LCOR: variants seen among roughly 807,000 people sequenced by gnomAD.
LCOR encodes the protein ligand dependent nuclear receptor corepressor.
LCOR carries 14 observed loss-of-function variants against 64.4 expected under a neutral mutation model. The observed-to-expected ratio is 0.22, with a 90% confidence interval of 0.14 to 0.34. The LOEUF (loss-of-function observed/expected upper bound fraction) is 0.34. Ranked by LOEUF, LCOR falls within the 10% of genes least tolerant of loss-of-function variation. The pLI is 1.00. For missense variants in LCOR, 1,686 were observed against 1,765.3 expected, an observed-to-expected ratio of 0.96 and a Z score of 0.80; for synonymous variants, 643 against 642.5, an observed-to-expected ratio of 1.00 and a Z score of -0.01.
intron 4 of LCOR, among the ~76,000 whole-genome samples, chr10:96,911,141 A>G (rs1020165030): frequency 1.6e-5 from 2 of 125,700 alleles, no homozygotes; most frequent in Non-Finnish European, 3.1e-5. Flanking sequence ...TCTGTTGCCC[A>G]GGCTGGGGTG....
chr10:96,848,765 A>T (rs545505639), intron 2 of LCOR, among the ~76,000 whole-genome samples: 1 of 152,316 alleles, frequency 6.6e-6, no homozygotes, highest in South Asian at 2.1e-4. Context: ...ATTATTATAC[A>T]GGATGTTCAG....
chr10:96,851,042 G>C (rs1357167477), intron 2 of LCOR, among the ~76,000 whole-genome samples: 1 of 152,212 alleles, frequency 6.6e-6, no homozygotes, highest in Non-Finnish European at 1.5e-5. Flanking sequence ...GCAAAAGCTT[G>C]TATCTTTGCT....
At chr10:96,957,767 C>T (rs1589682923) in intron 7 of LCOR, 1 of 985,432 alleles carries the variant, frequency 1.0e-6, no homozygotes, top group Non-Finnish European at 1.2e-6. Flanking sequence ...ATTGCTGTTA[C>T]TAAAATACAT....
chr10:96,907,729 G>T lies in LCOR; in HGVS notation c.-202G>T, dbSNP rs1366703530. 1.0e-6 allele frequency: 1 copy of T among 982,120 alleles called. No individual in the cohort carries two copies. Among genetic ancestry groups the T allele is most frequent in the East Asian group, 1.1e-4 (1 of 8,802 alleles). The allele number at this position is 982,120 out of a possible 1,614,324, so 60.8% of individuals were successfully genotyped here. On this transcript the variant is annotated 5_prime_UTR_variant, in exon 4 of 8. It removes the in-frame stop codon of an upstream open reading frame in the 5' UTR. Coordinates refer to ENST00000421806, the MANE Select transcript of LCOR (RefSeq NM_001346516.2). ...ATGAAAACTGTTTATTCTGTTGCTT[G>T]AGAAGAGATAAAGTAAAGGTAACTA...
chr10:96,973,292 A>G (rs1485302404), intron 7 of LCOR, among the ~76,000 whole-genome samples: 1 of 152,216 alleles, frequency 6.6e-6, no homozygotes, highest in Admixed American at 6.5e-5. Flanking sequence ...GTTTTAAAGT[A>G]CACCTATGGC....
At chr10:96,926,811 T>G (rs1253975477) in intron 4 of LCOR, among the ~76,000 whole-genome samples, 1 of 152,192 alleles carries the variant, frequency 6.6e-6, no homozygotes. Flanking sequence ...TATGTTTGAC[T>G]TCTTTTTGTT....
At chr10:96,850,698 C>A (rs1281625877) in intron 2 of LCOR, among the ~76,000 whole-genome samples, 1 of 152,106 alleles carries the variant, frequency 6.6e-6, no homozygotes, top group Non-Finnish European at 1.5e-5. Flanking sequence ...AGTCCTCTCA[C>A]CTGTCTCCCA....
chr10:96,838,616 A>G (rs983129369), intron 2 of LCOR, among the ~76,000 whole-genome samples: 6 of 152,200 alleles, frequency 3.9e-5, no homozygotes, highest in African/African-American at 1.4e-4. Flanking sequence ...TTCACTTAGC[A>G]TAATGTTTTT....
intron 7 of LCOR, chr10:96,957,473 C>A (rs917995730): frequency 7.0e-5 from 69 of 985,074 alleles, no homozygotes; most frequent in Non-Finnish European, 8.0e-5. Context: ...ACTATTTGTG[C>A]AAAACAAATT....
At chr10:96,850,392 A>G (rs1845704750) in intron 2 of LCOR, among the ~76,000 whole-genome samples, 1 of 152,242 alleles carries the variant, frequency 6.6e-6, no homozygotes, top group African/African-American at 2.4e-5. Flanking sequence ...TTTAAAAAGA[A>G]AGATCAAGCA....
chr10:96,854,897 G>GA (rs1253261661), intron 2 of LCOR, among the ~76,000 whole-genome samples: 1 of 152,130 alleles, frequency 6.6e-6, no homozygotes, highest in Non-Finnish European at 1.5e-5. Flanking sequence ...TTATTTTGGG[G>GA]AAAAATTATA....
intron 2 of LCOR, among the ~76,000 whole-genome samples, chr10:96,861,862 A>C (rs369759186): frequency 3.9e-5 from 6 of 152,252 alleles, no homozygotes; most frequent in African/African-American, 1.4e-4. Flanking sequence ...CAATTCCAAC[A>C]CTATCTACCT....
chr10:96,960,887 G>T (rs767781222), intron 7 of LCOR: 1 of 152,092 alleles, frequency 6.6e-6, no homozygotes, highest in South Asian at 2.1e-4. Flanking sequence ...ACTTGAATAG[G>T]ATTTGTGAAC....
chr10:96,934,861 A>G (rs886938577), intron 4 of LCOR, among the ~76,000 whole-genome samples: 2 of 152,162 alleles, frequency 1.3e-5, no homozygotes, highest in African/African-American at 4.8e-5. Context: ...CTCGGCCTCC[A>G]AAAGGGCTGG....
In LCOR at chr10:96,988,533, A is replaced by G. The variant is rs1183677150; in HGVS notation, c.*3399A>G. 6.6e-6 allele frequency: 1 copy of G among 152,152 alleles called. No individual in the cohort carries two copies. Among genetic ancestry groups the G allele is most frequent in the African/African-American group, 2.4e-5 (1 of 41,422 alleles). The allele number at this position is 152,152 out of a possible 1,614,324, so 9.4% of individuals were successfully genotyped here. On this transcript the variant is annotated 3_prime_UTR_variant, in exon 8 of 8. Transcript: ENST00000421806. ...TGCAGGTGAATTTCTCACTGTTCAG[A>G]TAGGTCATCAGTAAAAGGCATCACT... is the stretch of plus-strand genomic sequence containing the variant.
intron 2 of LCOR, among the ~76,000 whole-genome samples, chr10:96,880,983 T>A (rs1380913633): frequency 6.6e-6 from 1 of 152,242 alleles, no homozygotes; most frequent in Non-Finnish European, 1.5e-5. Flanking sequence ...ACAATGGATG[T>A]CTTAGTGCAT....
At position 96,991,617 on chromosome 10, in the gene LCOR, T is replaced by C. The variant is rs1168118250; in HGVS notation, c.*6483T>C. On this transcript the variant is annotated 3_prime_UTR_variant, in exon 8 of 8. Coordinates refer to ENST00000421806, the MANE Select transcript of LCOR (RefSeq NM_001346516.2). ...CACTCTTCAAGCTCTGGTCGTGATATGAGAACATAGATGCCTGGTGTTTGC... is the reference window on the plus strand; with the variant it reads ...CACTCTTCAAGCTCTGGTCGTGATACGAGAACATAGATGCCTGGTGTTTGC... The C allele has an allele frequency of 2.0e-5, 3 of 152,238 alleles. No homozygotes were observed. Among genetic ancestry groups the C allele is most frequent in the Admixed American group, 6.5e-5 (1 of 15,290 alleles). The allele number at this position is 152,238 out of a possible 1,614,324, so 9.4% of individuals were successfully genotyped here.
At chr10:96,863,878 AT>A (rs1845929360) in intron 2 of LCOR, among the ~76,000 whole-genome samples, 1 of 151,854 alleles carries the variant, frequency 6.6e-6, no homozygotes, top group African/African-American at 2.4e-5. Context: ...TAACCTGCCT[AT>A]TTTGTCTTTT....
In LCOR at chr10:96,983,606, T is replaced by C. The variant is rs745973348; in HGVS notation, c.3146T>C (p.Leu1049Pro). The part of the protein sequence containing the change: ...STYNLRHAHS[L>P]GSLDASKVTS... ...TACAACCTAAGACACGCTCATTCTC[T>C]GGGCTCCTTGGATGCTTCAAAAGTG... Residue 1049 changes from leucine to proline, a missense_variant, in exon 8 of 8, where the codon CTG (leucine) becomes CCG (proline). Physicochemically the swap from Leu to Pro is moderately conservative, Grantham distance 98. Coordinates refer to ENST00000421806, the MANE Select transcript of LCOR (RefSeq NM_001346516.2). This position sits in a 1 kb window ranked among gnomAD's most constrained non-coding sequence, Gnocchi z 4.5. The C allele has an allele frequency of 6.2e-7, 1 of 1,614,230 alleles. No individual in the cohort carries two copies. The highest frequency in any genetic ancestry group is 1.7e-5 in the Admixed American group (1 of 60,028).
Sources: gnomAD v4.1 joint callset for allele counts (sites outside exome capture counted in the v4.1 genomes callset) on GRCh38, gnomAD v4.1.1 for gene constraint, Gnocchi (gnomAD v3.1) non-coding constraint, MANE v1.5 for transcripts, NCBI Gene and HGNC (gene_info 2026-07-23, HGNC 2026-07-21) for gene names.